The following STAG2 variants were observed in gnomAD, a reference collection of about 807,000 sequenced individuals.
The protein encoded by STAG2 is cohesin subunit SA-2.
STAG2 carries 14 observed loss-of-function variants against 108.1 expected under a neutral mutation model. The ratio of observed to expected loss-of-function variants is 0.13; its 90% CI spans 0.09 to 0.20. The LOEUF (loss-of-function observed/expected upper bound fraction) is 0.20, where lower values mean the gene tolerates loss of function less well. STAG2 is among the 10% of genes least tolerant of loss of function. The probability of loss-of-function intolerance (pLI) is 1.00; values close to 1 mark genes in which losing one functional copy is unlikely to be tolerated. For synonymous variants in STAG2, 307 were observed against 302.7 expected (o/e 1.01, Z -0.15); for missense variants, 440 against 940.9 (o/e 0.47, Z 6.96).
intron 34 of STAG2, among the ~76,000 whole-genome samples, chrX:124,095,825 C>T (rs1397589569): frequency 9.2e-6 from 1 of 108,684 alleles, no homozygotes; most frequent in Non-Finnish European, 1.9e-5. Flanking sequence ...GAATGAGGGG[C>T]GTCATATAAA....
intron 13 of STAG2, among the ~76,000 whole-genome samples, chrX:124,052,104 A>G (rs1046301977): frequency 8.9e-6 from 1 of 112,458 alleles, no homozygotes; most frequent in African/African-American, 3.2e-5. Context: ...ATCTGAATTT[A>G]AGACCTATTC....
intron 1 of STAG2, among the ~76,000 whole-genome samples, chrX:124,013,273 A>G (rs1447722188): frequency 9.0e-6 from 1 of 110,701 alleles, no homozygotes; most frequent in Non-Finnish European, 1.9e-5. Context: ...TTACATCACA[A>G]AGTTATGTTA....
At chrX:124,044,476 A>T (rs2057818425) in intron 7 of STAG2, among the ~76,000 whole-genome samples, 1 of 111,610 alleles carries the variant, frequency 9.0e-6, no homozygotes, top group African/African-American at 3.3e-5. Context: ...CATCTCTAGG[A>T]TACTCTTGTC....
At chrX:124,013,507 C>T (rs967404425) in intron 1 of STAG2, among the ~76,000 whole-genome samples, 1 of 111,992 alleles carries the variant, frequency 8.9e-6, no homozygotes, top group African/African-American at 3.2e-5. Context: ...AATATTCTAT[C>T]TGTTTTGATA....
At chrX:123,992,871 C>G (rs186296274) in intron 1 of STAG2, among the ~76,000 whole-genome samples, 22 of 110,620 alleles carry the variant, frequency 2.0e-4, no homozygotes, top group African/African-American at 6.9e-4. Context: ...AAGAATGATT[C>G]TGCATTGAGT....
chrX:124,042,151 A>T, intron 6 of STAG2, among the ~76,000 whole-genome samples: 1 of 111,478 alleles, frequency 9.0e-6, no homozygotes, highest in East Asian at 2.8e-4. Context: ...GACTAAAGTG[A>T]ACTCTAGCTA....
At chrX:123,979,778 TTGAG>T (rs1204858843) in intron 1 of STAG2, among the ~76,000 whole-genome samples, 14 of 111,595 alleles carry the variant, frequency 1.3e-4, no homozygotes, top group African/African-American at 4.2e-4. Context: ...CAAAGATTCT[TTGAG>T]TGACCATTTA....
At chrX:124,058,252 G>C (rs955854264) in intron 15 of STAG2, among the ~76,000 whole-genome samples, 3 of 104,833 alleles carry the variant, frequency 2.9e-5, no homozygotes, top group Non-Finnish European at 5.8e-5. Flanking sequence ...CTGCCTCCCA[G>C]GTTCAAGCAG....
Position 124,050,325 on chromosome X carries a change from C to G in STAG2, c.1017+16C>G. On this transcript the variant is annotated intron_variant, in intron 11 of 34. Transcript: ENST00000371145. Reference sequence around the variant, plus strand: ...GCATGATAAGGTAAGATGTGCCCTTCAGACTGCTTCTTTCTACACATCGGC... The same window carrying G: ...GCATGATAAGGTAAGATGTGCCCTTGAGACTGCTTCTTTCTACACATCGGC... The G allele has an allele frequency of 2.5e-6, 3 of 1,189,827 alleles. No individual in the cohort carries two copies. The East Asian group carries it at 9.1e-5, about 36-fold the overall frequency.
intron 30 of STAG2, among the ~76,000 whole-genome samples, 172 bp downstream of exon 30, chrX:124,086,942 C>T (rs2059122306): frequency 1.8e-5 from 2 of 112,533 alleles, no homozygotes; most frequent in Admixed American, 1.9e-4. Flanking sequence ...ACTCAGTTCT[C>T]ACAACTTTTT....
chrX:124,050,079 A>C, intron 10 of STAG2, 107 bp from the exon 11 acceptor site: 1 of 899,375 alleles, frequency 1.1e-6, no homozygotes, highest in South Asian at 3.3e-5. Context: ...TAATAAGATA[A>C]TGTCATATTC....
rs148170243 is a variant in STAG2 at position 124,074,958 on chromosome X, G to A, written c.2534-1374G>A. ...GAAAATGTTACTTTATGTATTCAGT[G>A]TAATGATATGTCTTAGGTTTCTAAG... On this transcript the variant is annotated intron_variant, in intron 25 of 34. Coordinates refer to ENST00000371145, the MANE Select transcript of STAG2 (RefSeq NM_001042750.2). Among the ~76,000 whole-genome samples, 285 of 112,178 alleles carry A rather than the reference G, an allele frequency of 2.5e-3. 1 individual carries two copies. Among genetic ancestry groups the A allele is most frequent in the African/African-American group, 8.5e-3 (263 of 30,918 alleles).
intron 28 of STAG2, 52 bp from the exon 29 acceptor site, chrX:124,083,369 T>C (rs1273640290): frequency 2.5e-5 from 25 of 1,004,478 alleles, no homozygotes; most frequent in Non-Finnish European, 3.1e-5. Context: ...TTGACTTTTT[T>C]ATTATAGTCC....
At position 124,071,130 on chromosome X, in the gene STAG2, T is replaced by G; in HGVS notation, c.2359-19T>G. 1 of 851,360 alleles carries G rather than the reference T, an allele frequency of 1.2e-6. No homozygotes were observed. Among genetic ancestry groups the G allele is most frequent in the Non-Finnish European group, 1.5e-6 (1 of 647,951 alleles). 70.2% of individuals were successfully genotyped at this position (851,360 alleles called of 1,213,427 possible). A position where few individuals can be genotyped will look rare whatever the true frequency, so the allele number is the denominator to read the frequency against. On this transcript the variant is annotated intron_variant, in intron 24 of 34. Transcript: ENST00000371145. ...CTTGGATTATAGCATGCTTTCCTCT[T>G]TTTTTTTTTTTTAAATAGGCCTTCA...
At chrX:124,066,952 C>T (rs190272908) in intron 23 of STAG2, among the ~76,000 whole-genome samples, 1 of 111,822 alleles carries the variant, frequency 8.9e-6, no homozygotes, top group African/African-American at 3.2e-5. Flanking sequence ...AGTAATTGAA[C>T]TAAACAGGAC....
In STAG2 at chrX:124,023,948, AGGTCACTGAAT is replaced by A. The variant is rs2057013943; in HGVS notation, c.44+1281_44+1291del. On this transcript the variant is annotated intron_variant, in intron 3 of 34. Coordinates refer to ENST00000371145, the MANE Select transcript of STAG2 (RefSeq NM_001042750.2). ...TGTGATAGATGACTCAGGATGTTTC[AGGTCACTGAAT>A]GGTTAATACAGTATGTTTAATAAAC... Among the ~76,000 whole-genome samples the A allele has an allele frequency of 2.7e-5, 3 of 111,810 alleles. No homozygotes were observed. In the Admixed American group the frequency reaches 2.9e-4, roughly 11 times the overall value.
At chrX:124,051,621 C>G (rs2058041046) in intron 13 of STAG2, among the ~76,000 whole-genome samples, 2 of 108,361 alleles carry the variant, frequency 1.8e-5, no homozygotes, top group South Asian at 8.1e-4. Context: ...GACGGAGTCT[C>G]ACTCTGTCCC....
intron 34 of STAG2, among the ~76,000 whole-genome samples, chrX:124,096,254 TC>T (rs2059375951): frequency 9.0e-6 from 1 of 111,337 alleles, no homozygotes; most frequent in Non-Finnish European, 1.9e-5. Context: ...ATGATCTGGT[TC>T]CCTTGCCATC....
rs764725244 is a variant in STAG2 at position 124,005,050 on chromosome X, C to T, written c.-162-16317C>T. ...ATAGTGTTTTCACATAACCTACACACATCTTCCTGTATACTTTAAATCATC... is the reference window on the plus strand; with the variant it reads ...ATAGTGTTTTCACATAACCTACACATATCTTCCTGTATACTTTAAATCATC... On this transcript the variant is annotated intron_variant, in intron 1 of 34. Coordinates refer to ENST00000371145, the MANE Select transcript of STAG2 (RefSeq NM_001042750.2). Among the ~76,000 whole-genome samples, 10 of 112,449 alleles carry T rather than the reference C, an allele frequency of 8.9e-5. No individual in the cohort carries two copies. In the South Asian group the frequency reaches 1.1e-3, roughly 12 times the overall value.
Sources: gnomAD v4.1 joint callset for allele counts (sites outside exome capture counted in the v4.1 genomes callset) on GRCh38, gnomAD v4.1.1 for gene constraint, MANE v1.5 for transcripts, NCBI Gene and HGNC (gene_info 2026-07-23, HGNC 2026-07-21) for gene names.